The following KIF26B variants were observed in gnomAD, a reference collection of about 807,000 sequenced individuals.
The protein encoded by KIF26B is kinesin-like protein KIF26B.
A neutral mutation model predicts 151.2 loss-of-function variants in KIF26B; 63 were observed. The ratio of observed to expected loss-of-function variants is 0.42; its 90% CI spans 0.34 to 0.51. The LOEUF (loss-of-function observed/expected upper bound fraction) is 0.51. Among genes scored for constraint, KIF26B ranks in the 20% least tolerant of loss-of-function variants. The pLI is 0.07. For synonymous variants in KIF26B, 1,357 were observed against 1,262.1 expected, an observed-to-expected ratio of 1.08 and a Z score of -1.59; for missense variants, 2,813 against 2,913.6, an observed-to-expected ratio of 0.97 and a Z score of 0.79.
intron 3 of KIF26B, among the ~76,000 whole-genome samples, chr1:245,415,316 A>C (rs1674390659): frequency 6.6e-6 from 1 of 152,198 alleles, no homozygotes; most frequent in Admixed American, 6.5e-5. Flanking sequence ...GATCTCATGT[A>C]GTAGGTCATT....
In KIF26B at chr1:245,686,423, T is replaced by C. The variant is rs1231808652; in HGVS notation, c.3440T>C (p.Phe1147Ser). 1 of 1,613,274 alleles carries C rather than the reference T, an allele frequency of 6.2e-7. No individual in the cohort carries two copies. The highest frequency in any genetic ancestry group is 2.2e-5 in the East Asian group (1 of 44,868). ...TCCATGTCTGCTGGGAGCGAAGGGT[T>C]CCCGGAAACTCCTGTCGATGATGAG... is the stretch of plus-strand genomic sequence containing the variant. ...KKSMSAGSEG[F>S]PETPVDDEQQ... The change falls in exon 12 of 15, where the codon TTC becomes TCC. Residue 1147 changes from phenylalanine (F) to serine (S), a missense_variant. Transcript: ENST00000407071. This position sits in a 1 kb window ranked among gnomAD's most constrained non-coding sequence, Gnocchi z 5.6.
intron 5 of KIF26B, among the ~76,000 whole-genome samples, chr1:245,599,786 GAATGAGTGGAACTGA>G (rs1282876037): frequency 1.3e-5 from 2 of 152,130 alleles, no homozygotes; most frequent in African/African-American, 4.8e-5. Flanking sequence ...AGATCTGTAG[GAATGAGTGGAACTGA>G]AATCAGACCT....
intron 3 of KIF26B, among the ~76,000 whole-genome samples, chr1:245,369,861 C>T (rs933262726): frequency 2.0e-5 from 3 of 152,208 alleles, no homozygotes; most frequent in Admixed American, 6.5e-5. Flanking sequence ...TGGATAGAAT[C>T]TTCTGGGATG....
At chr1:245,158,356 T>C (rs563155141) in intron 2 of KIF26B, among the ~76,000 whole-genome samples, 1 of 152,352 alleles carries the variant, frequency 6.6e-6, no homozygotes, top group South Asian at 2.1e-4. Context: ...CATCATGTTT[T>C]ATGGAGTCCT....
intron 4 of KIF26B, among the ~76,000 whole-genome samples, chr1:245,480,452 T>C (rs887488841): frequency 2.6e-5 from 4 of 151,654 alleles, no homozygotes; most frequent in African/African-American, 9.7e-5. Flanking sequence ...AGGGGTTCCA[T>C]GATTCTCAGC....
At chr1:245,457,630 G>A (rs1285815724) in intron 4 of KIF26B, among the ~76,000 whole-genome samples, 1 of 152,054 alleles carries the variant, frequency 6.6e-6, no homozygotes, top group African/African-American at 2.4e-5. Flanking sequence ...TTTGAATATG[G>A]TGCTTATCAT....
At chr1:245,261,491 CTCTCTCTCT>C (rs1558366007) in intron 2 of KIF26B, among the ~76,000 whole-genome samples, 12 of 121,078 alleles carry the variant, frequency 9.9e-5, no homozygotes, top group African/African-American at 3.5e-4. Context: ...CTCTCTCTCT[CTCTCTCTCT>C]CTCCCTCCCT....
At chr1:245,659,122 C>T (rs1235148540) in intron 10 of KIF26B, among the ~76,000 whole-genome samples, 2 of 152,066 alleles carry the variant, frequency 1.3e-5, no homozygotes, top group Non-Finnish European at 2.9e-5. Context: ...CCTGTAGTCC[C>T]AGCTACTCGG....
At chr1:245,307,494 A>G (rs1400818858) in intron 2 of KIF26B, among the ~76,000 whole-genome samples, 5 of 152,190 alleles carry the variant, frequency 3.3e-5, no homozygotes, top group African/African-American at 1.2e-4. Flanking sequence ...TTGTTTAAAA[A>G]CAGAATTTTT....
chr1:245,455,255 G>A (rs181176784), intron 4 of KIF26B, among the ~76,000 whole-genome samples: 1,950 of 152,128 alleles, frequency 0.013, 99 homozygotes, highest in Admixed American at 0.085. Flanking sequence ...CCCGTAATCC[G>A]AGCACTTTGG....
chr1:245,316,112 GT>G (rs1341947646), intron 2 of KIF26B, among the ~76,000 whole-genome samples: 1 of 151,892 alleles, frequency 6.6e-6, no homozygotes, highest in Non-Finnish European at 1.5e-5. Flanking sequence ...CTGAGACTGA[GT>G]CATGTTTTGG....
At chr1:245,400,864 G>A (rs976056678) in intron 3 of KIF26B, among the ~76,000 whole-genome samples, 8 of 151,946 alleles carry the variant, frequency 5.3e-5, no homozygotes, top group Non-Finnish European at 1.2e-4. Flanking sequence ...TTATATTTCT[G>A]TTGGAAAGCT....
chr1:245,686,963 T>A lies in KIF26B; in HGVS notation c.3980T>A (p.Val1327Glu). ...GTCAGCAGCCTCCAGAACACCGCTG[T>A]GGTGTGCAGAGAGAAGCCCAAGGCC... is the stretch of plus-strand genomic sequence containing the variant. ...EFVSSLQNTA[V>E]VCREKPKASP... Residue 1327 changes from valine (V) to glutamate (E), a missense_variant, in exon 12 of 15, where the codon GTG becomes GAG. By Grantham distance (121) the Val-to-Glu change is moderately radical. This residue lies in a region of KIF26B where 2,060 missense variants were observed against 2,088.6 expected (regional missense o/e 0.99). Coordinates refer to ENST00000407071, the MANE Select transcript of KIF26B (RefSeq NM_018012.4). This position sits in a 1 kb window ranked among gnomAD's most constrained non-coding sequence, Gnocchi z 5.6. The A allele has an allele frequency of 6.2e-7, 1 of 1,613,526 alleles. No homozygotes were observed. The highest frequency in any genetic ancestry group is 1.3e-5 in the African/African-American group (1 of 75,014).
chr1:245,303,372 G>A (rs979291426), intron 2 of KIF26B, among the ~76,000 whole-genome samples: 1 of 150,448 alleles, frequency 6.6e-6, no homozygotes, highest in Admixed American at 6.6e-5. Flanking sequence ...CTAATTTTTT[G>A]TATTTTTAGT....
At position 245,646,288 on chromosome 1, in the gene KIF26B, A is replaced by T; in HGVS notation, c.2258+8A>T. 7.4e-6 allele frequency: 12 copies of T among 1,612,444 alleles called. No individual in the cohort carries two copies. Among genetic ancestry groups the T allele is most frequent in the Non-Finnish European group, 9.3e-6 (11 of 1,179,372 alleles). On this transcript the variant is annotated splice_region_variant and intron_variant, in intron 10 of 14. Transcript: ENST00000407071. ...CAAACACATTCCATACAAGTAAGTG[A>T]CTCTTCTACTCAAAGAATGTGGTGG...
At chr1:245,587,763 G>A (rs144433845) in intron 5 of KIF26B, among the ~76,000 whole-genome samples, 42 of 152,190 alleles carry the variant, frequency 2.8e-4, no homozygotes, top group African/African-American at 9.9e-4. Flanking sequence ...GCCTGGTAGT[G>A]GGGACTGTTC....
At chr1:245,240,284 AT>A (rs1461391452) in intron 2 of KIF26B, among the ~76,000 whole-genome samples, 5 of 151,738 alleles carry the variant, frequency 3.3e-5, no homozygotes, top group Non-Finnish European at 7.4e-5. Context: ...CATTCGCTTT[AT>A]TTTTCTCTTC....
In KIF26B at chr1:245,327,120, A is replaced by G. The variant is rs564417732; in HGVS notation, c.466-39714A>G. ...ACCTTCTTTAGGAAATGGAACACAG[A>G]TGACCATGTATACATGTTGCTGGCG... is the stretch of plus-strand genomic sequence containing the variant. On this transcript the variant is annotated intron_variant, in intron 2 of 14. Transcript: ENST00000407071. 2.0e-5 allele frequency among the ~76,000 whole-genome samples: 3 copies of G among 152,326 alleles called. No homozygotes were observed. The East Asian group carries it at 5.8e-4, about 29-fold the overall frequency.
intron 9 of KIF26B, among the ~76,000 whole-genome samples, chr1:245,620,918 A>G (rs879462073): frequency 4.6e-5 from 7 of 152,242 alleles, no homozygotes; most frequent in Admixed American, 3.3e-4. Flanking sequence ...CACAAACTAG[A>G]CCACAGCCTC....
Sources: gnomAD v4.1 joint callset for allele counts (sites outside exome capture counted in the v4.1 genomes callset) on GRCh38, gnomAD v4.1.1 for gene constraint, gnomAD v4.1.1 regional missense constraint, Gnocchi (gnomAD v3.1) non-coding constraint, MANE v1.5 for transcripts, NCBI Gene and HGNC (gene_info 2026-07-23, HGNC 2026-07-21) for gene names.